Variants in RIN3 observed in about 807,000 individuals in gnomAD.
RIN3 encodes the protein RAB5 interacting protein 3.
RIN3 carries 54 observed loss-of-function variants against 76.3 expected under a neutral mutation model. The observed-to-expected ratio is 0.71, with a 90% CI of 0.57 to 0.89. RIN3 has a LOEUF of 0.89. Ranked by LOEUF, RIN3 falls within the 40% of genes least tolerant of loss-of-function variation. The probability of loss-of-function intolerance (pLI) is 0.00; values close to 1 mark genes in which losing one functional copy is unlikely to be tolerated. For synonymous variants in RIN3, 576 were observed against 564.0 expected (o/e 1.02, Z -0.30); for missense variants, 1,256 against 1,322.1 (o/e 0.95, Z 0.78).
intron 2 of RIN3, among the ~76,000 whole-genome samples, chr14:92,561,044 A>AATATATATATATATATATATAT (rs1555383857): frequency 0.014 from 351 of 24,256 alleles, 9 homozygotes; most frequent in Middle Eastern, 0.083. Context: ...AAAAAAAAAA[A>AATATATATATATATATATATAT]ATATATATAT....
chr14:92,607,892 G>A (rs1314787833), intron 3 of RIN3, among the ~76,000 whole-genome samples: 1 of 152,136 alleles, frequency 6.6e-6, no homozygotes, highest in African/African-American at 2.4e-5. Flanking sequence ...GAACCTCAAG[G>A]AAGTTACACT....
At chr14:92,556,011 G>A (rs74072951) in intron 2 of RIN3, 56 bp downstream of exon 2, 148,643 of 1,461,234 alleles carry the variant, frequency 0.1, 8,299 homozygotes, top group African/African-American at 0.18. Context: ...GAACTCAGGC[G>A]TGCTCCACAC....
At chr14:92,538,044 C>G (rs1897046906) in intron 1 of RIN3, among the ~76,000 whole-genome samples, 2 of 152,088 alleles carry the variant, frequency 1.3e-5, no homozygotes, top group African/African-American at 4.8e-5. Context: ...CCAGGATGGT[C>G]TCAATCTCTT....
At position 92,659,149 on chromosome 14, in the gene RIN3, G is replaced by A. The variant is rs1295985096; in HGVS notation, c.2027-12G>A. On this transcript the variant is annotated splice_polypyrimidine_tract_variant and intron_variant, in intron 6 of 9. Coordinates refer to ENST00000216487, the MANE Select transcript of RIN3 (RefSeq NM_024832.5). ...CTGGTTTCCTCACCCTCGCTCTCTTGTTTACCTGCAGAAGCAATTGTAGAG... is the reference window on the plus strand; with the variant it reads ...CTGGTTTCCTCACCCTCGCTCTCTTATTTACCTGCAGAAGCAATTGTAGAG... 6.2e-7 allele frequency: 1 copy of A among 1,613,628 alleles called. No homozygotes were observed. The highest frequency in any genetic ancestry group is 8.5e-7 in the Non-Finnish European group (1 of 1,179,758).
chr14:92,562,204 G>A (rs572404824), intron 2 of RIN3, among the ~76,000 whole-genome samples: 9 of 152,324 alleles, frequency 5.9e-5, no homozygotes, highest in African/African-American at 2.2e-4. Context: ...GTTTGGGGAG[G>A]AAGACCACAC....
chr14:92,536,089 T>C (rs1896993786), intron 1 of RIN3, among the ~76,000 whole-genome samples: 1 of 152,218 alleles, frequency 6.6e-6, no homozygotes, highest in Non-Finnish European at 1.5e-5. Context: ...GACCTGTGTG[T>C]CTGTCCCTGC....
At chr14:92,521,564 C>G (rs1237218342) in intron 1 of RIN3, among the ~76,000 whole-genome samples, 2 of 152,082 alleles carry the variant, frequency 1.3e-5, no homozygotes, top group East Asian at 3.9e-4. Flanking sequence ...CCTCCCTGCT[C>G]TCTCCCTCTT....
intron 7 of RIN3, among the ~76,000 whole-genome samples, chr14:92,661,723 T>TCACACACACACACACACACA (rs778646491): frequency 7.4e-6 from 1 of 134,878 alleles, no homozygotes; most frequent in African/African-American, 2.9e-5. Context: ...TGAGACTCTG[T>TCACACACACACACACACACA]CACACACACA....
At chr14:92,586,770 A>G (rs1343023918) in intron 3 of RIN3, among the ~76,000 whole-genome samples, 1 of 152,236 alleles carries the variant, frequency 6.6e-6, no homozygotes, top group Non-Finnish European at 1.5e-5. Flanking sequence ...AGGCTCATGC[A>G]TACATAACCA....
intron 7 of RIN3, among the ~76,000 whole-genome samples, chr14:92,668,627 A>C (rs919492774): frequency 1.3e-5 from 2 of 152,224 alleles, no homozygotes; most frequent in African/African-American, 4.8e-5. Context: ...CAGACTTGAC[A>C]AGTGACCTCC....
intron 3 of RIN3, among the ~76,000 whole-genome samples, chr14:92,604,802 C>G (rs1373803441): frequency 6.6e-6 from 1 of 151,978 alleles, no homozygotes; most frequent in Admixed American, 6.5e-5. Context: ...CTACCCACCC[C>G]TCCCCACCAA....
chr14:92,615,541 G>A, intron 4 of RIN3, 62 bp downstream of exon 4: 2 of 1,401,208 alleles, frequency 1.4e-6, no homozygotes, highest in Non-Finnish European at 2.0e-6. Flanking sequence ...TGCAACCCTG[G>A]GTGGGTGCAG....
chr14:92,544,982 C>T (rs538998062), intron 1 of RIN3, among the ~76,000 whole-genome samples: 47 of 151,816 alleles, frequency 3.1e-4, no homozygotes, highest in African/African-American at 1.1e-3. Context: ...AACTGTGGTG[C>T]GTGTTTTTTT....
intron 4 of RIN3, among the ~76,000 whole-genome samples, chr14:92,628,156 A>G (rs1473733436): frequency 2.0e-5 from 3 of 152,164 alleles, no homozygotes; most frequent in African/African-American, 7.2e-5. Context: ...GGGCTAATAG[A>G]TGAATGGGTA....
chr14:92,653,644 G>A (rs150846657), intron 6 of RIN3, among the ~76,000 whole-genome samples: 59 of 152,178 alleles, frequency 3.9e-4, no homozygotes, highest in African/African-American at 1.2e-3. Flanking sequence ...CACCAGCCTC[G>A]AATCCAATAA....
intron 1 of RIN3, among the ~76,000 whole-genome samples, chr14:92,546,884 G>A (rs1897278293): frequency 6.6e-6 from 1 of 151,386 alleles, no homozygotes; most frequent in African/African-American, 2.4e-5. Context: ...CACATGTGTG[G>A]TTGCTACATC....
intron 4 of RIN3, among the ~76,000 whole-genome samples, chr14:92,629,399 G>A (rs775175351): frequency 6.6e-6 from 1 of 152,212 alleles, no homozygotes; most frequent in Non-Finnish European, 1.5e-5. Context: ...GTGGGAGCAG[G>A]CCCAAGCATA....
At chr14:92,544,105 A>C (rs1325405068) in intron 1 of RIN3, among the ~76,000 whole-genome samples, 1 of 151,966 alleles carries the variant, frequency 6.6e-6, no homozygotes, top group African/African-American at 2.4e-5. Context: ...TTCAACCCTC[A>C]TGCAGTCCTT....
At chr14:92,524,973 C>G (rs181706373) in intron 1 of RIN3, among the ~76,000 whole-genome samples, 9 of 152,356 alleles carry the variant, frequency 5.9e-5, no homozygotes, top group African/African-American at 1.2e-4. Flanking sequence ...AGTGTCCCAC[C>G]TCTACCTCTT....
Sources: gnomAD v4.1 joint callset for allele counts (sites outside exome capture counted in the v4.1 genomes callset) on GRCh38, gnomAD v4.1.1 for gene constraint, MANE v1.5 for transcripts, NCBI Gene and HGNC (gene_info 2026-07-23, HGNC 2026-07-21) for gene names.